Variants in HHAT observed in about 807,000 individuals in gnomAD.
HHAT encodes the protein hedgehog acyltransferase.
Under a neutral mutation model 70.8 loss-of-function variants are expected in HHAT, and 47 were observed. The ratio of observed to expected loss-of-function variants is 0.66; its 90% CI spans 0.53 to 0.85. The LOEUF (loss-of-function observed/expected upper bound fraction) is 0.85, where lower values mean the gene tolerates loss of function less well. Ranked by LOEUF, HHAT falls within the 40% of genes least tolerant of loss-of-function variation. HHAT has a pLI of 0.00. For missense variants in HHAT, 609 were observed against 604.8 expected, an observed-to-expected ratio of 1.01 and a Z score of -0.07; for synonymous variants, 228 against 247.6, an observed-to-expected ratio of 0.92 and a Z score of 0.74.
chr1:210,571,841 T>A (rs1242110858), intron 9 of HHAT, among the ~76,000 whole-genome samples: 4 of 152,260 alleles, frequency 2.6e-5, no homozygotes, highest in Non-Finnish European at 1.5e-5. Context: ...TACAGAAGAC[T>A]CTGCTTTGTG....
At chr1:210,497,533 A>T (rs756497399) in intron 8 of HHAT, among the ~76,000 whole-genome samples, 3 of 152,256 alleles carry the variant, frequency 2.0e-5, no homozygotes, top group Admixed American at 2.0e-4. Context: ...GAACTATTCT[A>T]CAAGAAAGTT....
At chr1:210,416,210 C>G (rs1402436833) in intron 6 of HHAT, among the ~76,000 whole-genome samples, 1 of 152,230 alleles carries the variant, frequency 6.6e-6, no homozygotes, top group Non-Finnish European at 1.5e-5. Flanking sequence ...CTGCCACTCT[C>G]CTGGCTGCAG....
intron 9 of HHAT, among the ~76,000 whole-genome samples, chr1:210,565,355 G>A (rs1382489032): frequency 6.6e-6 from 1 of 152,184 alleles, no homozygotes; most frequent in African/African-American, 2.4e-5. Flanking sequence ...TATTAGGTTG[G>A]ATGTAAGCTC....
chr1:210,586,445 A>G (rs945985749), intron 9 of HHAT, among the ~76,000 whole-genome samples: 3 of 152,174 alleles, frequency 2.0e-5, no homozygotes, highest in Non-Finnish European at 4.4e-5. Flanking sequence ...ATCTCTAAAA[A>G]TAAAATAGTC....
At chr1:210,600,675 C>T (rs1664066094) in intron 10 of HHAT, among the ~76,000 whole-genome samples, 1 of 152,126 alleles carries the variant, frequency 6.6e-6, no homozygotes, top group African/African-American at 2.4e-5. Context: ...GAGCACTGTG[C>T]TTTTTCTCTG....
intron 8 of HHAT, among the ~76,000 whole-genome samples, chr1:210,483,485 T>C (rs1490937037): frequency 7.2e-5 from 11 of 152,280 alleles, no homozygotes; most frequent in Non-Finnish European, 5.9e-5. Context: ...TATCTTGTCA[T>C]TGGAAGGCAG....
chr1:210,531,148 A>G (rs919767121), intron 9 of HHAT, among the ~76,000 whole-genome samples: 1 of 152,236 alleles, frequency 6.6e-6, no homozygotes, highest in Non-Finnish European at 1.5e-5. Context: ...GGCAGTTGTA[A>G]TATGATGTAG....
At chr1:210,534,444 C>A (rs901818772) in intron 9 of HHAT, among the ~76,000 whole-genome samples, 1 of 152,060 alleles carries the variant, frequency 6.6e-6, no homozygotes, top group African/African-American at 2.4e-5. Context: ...ATATAACAAT[C>A]CCACCCACGT....
At chr1:210,421,405 A>G (rs1277743464) in intron 7 of HHAT, among the ~76,000 whole-genome samples, 1 of 152,086 alleles carries the variant, frequency 6.6e-6, no homozygotes, top group Non-Finnish European at 1.5e-5. Flanking sequence ...GGCTACTAAT[A>G]AGTTTGAGCA....
At chr1:210,580,346 G>C (rs948150437) in intron 9 of HHAT, among the ~76,000 whole-genome samples, 6 of 150,588 alleles carry the variant, frequency 4.0e-5, no homozygotes, top group African/African-American at 1.5e-4. Context: ...TCCTTTTTGT[G>C]TACATCTTCC....
intron 6 of HHAT, among the ~76,000 whole-genome samples, chr1:210,409,616 G>A (rs968273900): frequency 5.3e-5 from 8 of 152,134 alleles, no homozygotes; most frequent in African/African-American, 1.9e-4. Context: ...ATAAGTTAGT[G>A]GCCCAGGTGG....
intron 7 of HHAT, among the ~76,000 whole-genome samples, chr1:210,437,397 A>T (rs535066365): frequency 6.6e-6 from 1 of 152,052 alleles, no homozygotes; most frequent in South Asian, 2.1e-4. Flanking sequence ...TGGAAAGCAG[A>T]TTCACATCGA....
intron 4 of HHAT, among the ~76,000 whole-genome samples, chr1:210,390,116 A>G (rs996890813): frequency 2.6e-5 from 4 of 152,220 alleles, no homozygotes; most frequent in African/African-American, 9.7e-5. Flanking sequence ...AGTCATTGCA[A>G]TCAACATAAG....
chr1:210,478,627 G>A (rs2094343181), intron 8 of HHAT, among the ~76,000 whole-genome samples: 1 of 152,176 alleles, frequency 6.6e-6, no homozygotes, highest in Non-Finnish European at 1.5e-5. Flanking sequence ...CCCACTCTGT[G>A]AAAGCATCTT....
At chr1:210,374,918 T>TC (rs2090059874) in intron 3 of HHAT, among the ~76,000 whole-genome samples, 1 of 151,724 alleles carries the variant, frequency 6.6e-6, no homozygotes, top group Non-Finnish European at 1.5e-5. Context: ...AGTTAGTTTT[T>TC]CAGGCCTTAC....
chr1:210,594,274 T>A (rs1336492923), intron 10 of HHAT, among the ~76,000 whole-genome samples: 1 of 152,182 alleles, frequency 6.6e-6, no homozygotes, highest in Non-Finnish European at 1.5e-5. Flanking sequence ...AAAGTGATTT[T>A]CTCTGGTGGT....
At chr1:210,370,066 A>T (rs529595916) in intron 3 of HHAT, among the ~76,000 whole-genome samples, 1 of 151,696 alleles carries the variant, frequency 6.6e-6, no homozygotes, top group Non-Finnish European at 1.5e-5. Context: ...CTCTCTCTGC[A>T]TACACATATA....
In HHAT at chr1:210,616,026, A is replaced by G. The variant is rs143116365; in HGVS notation, c.1246-7500A>G. ...ACTCACGCTGGGAGCTGTAGACTGGAGCTGTTCCTATTCGGCCATCTTGGA... is the reference window on the plus strand; with the variant it reads ...ACTCACGCTGGGAGCTGTAGACTGGGGCTGTTCCTATTCGGCCATCTTGGA... On this transcript the variant is annotated intron_variant, in intron 10 of 11. Transcript: ENST00000261458. Among the ~76,000 whole-genome samples the G allele has an allele frequency of 4.2e-3, 638 of 152,296 alleles. 5 individuals carry two copies. The highest frequency in any genetic ancestry group is 0.014 in the African/African-American group (567 of 41,562).
At chr1:210,372,794 T>TTG (rs1558378393) in intron 3 of HHAT, among the ~76,000 whole-genome samples, 1 of 151,260 alleles carries the variant, frequency 6.6e-6, no homozygotes, top group African/African-American at 2.4e-5. Context: ...TTTTTTTTTT[T>TTG]TGTGATCCTT....
Sources: allele counts gnomAD v4.1 joint callset (sites outside exome capture counted in the v4.1 genomes callset), GRCh38; gene constraint gnomAD v4.1.1; transcripts MANE v1.5; gene names NCBI Gene and HGNC (gene_info 2026-07-23, HGNC 2026-07-21).